NDE1: variants seen among roughly 807,000 people sequenced by gnomAD.
NDE1 encodes the protein nuclear distribution protein nudE homolog 1.
In NDE1, 28 loss-of-function variants were observed where a neutral mutation model predicts 43.4. The ratio of observed to expected loss-of-function variants is 0.65; its 90% CI spans 0.48 to 0.89. NDE1 has a LOEUF of 0.89. NDE1 is among the 40% of genes least tolerant of loss of function. The pLI is 0.00. For missense variants in NDE1, 441 were observed against 434.1 expected (o/e 1.02, Z -0.14); for synonymous variants, 184 against 172.0 (o/e 1.07, Z -0.55).
intron 1 of NDE1, among the ~76,000 whole-genome samples, chr16:15,644,561 T>C (rs1439626719): frequency 6.6e-6 from 1 of 152,200 alleles, no homozygotes; most frequent in Non-Finnish European, 1.5e-5. Flanking sequence ...GAGGATCTCT[T>C]GAGCCTACAA....
At position 15,724,781 on chromosome 16, in the gene NDE1, TTTC is replaced by T. The variant is rs2040665323; in HGVS notation, c.*536_*538del. 1 of 1,613,744 alleles carries T rather than the reference TTTC, an allele frequency of 6.2e-7. No individual in the cohort carries two copies. Among genetic ancestry groups the T allele is most frequent in the Non-Finnish European group, 8.5e-7 (1 of 1,179,964 alleles). On this transcript the variant is annotated 3_prime_UTR_variant, in exon 9 of 9. Transcript: ENST00000396354. ...GTAGACACGTTGAGCTTCTGCCGGG[TTTC>T]TTCTTGAAGCAGCTCCTGCAAAAGG...
intron 8 of NDE1, among the ~76,000 whole-genome samples, chr16:15,706,659 G>C (rs146811560): frequency 2.6e-5 from 4 of 151,174 alleles, no homozygotes; most frequent in African/African-American, 9.7e-5. Flanking sequence ...GTGAGCCAAC[G>C]TTGTGCCACT....
chr16:15,680,578 G>A (rs2038125501), intron 4 of NDE1, among the ~76,000 whole-genome samples: 1 of 152,086 alleles, frequency 6.6e-6, no homozygotes, highest in East Asian at 1.9e-4. Context: ...CTGTCTCCCA[G>A]GCTGGAGCTG....
chr16:15,698,411 G>A (rs1339028417), intron 8 of NDE1, among the ~76,000 whole-genome samples: 1 of 152,132 alleles, frequency 6.6e-6, no homozygotes, highest in Non-Finnish European at 1.5e-5. Flanking sequence ...AAAAAAAGGG[G>A]CAGCTTTCAG....
chr16:15,647,606 A>G (rs1442911429), upstream of NDE1, among the ~76,000 whole-genome samples: 2 of 152,188 alleles, frequency 1.3e-5, no homozygotes, highest in Non-Finnish European at 2.9e-5. Context: ...ACTTATCAGT[A>G]TCTGAAATGA....
intron 3 of NDE1, among the ~76,000 whole-genome samples, chr16:15,675,273 A>G (rs2037809406): frequency 6.6e-6 from 1 of 151,046 alleles, no homozygotes; most frequent in African/African-American, 2.4e-5. Flanking sequence ...ATCTGGGCTC[A>G]CTGCAACCTC....
At chr16:15,657,074 C>G (rs2036806102) in intron 1 of NDE1, among the ~76,000 whole-genome samples, 1 of 151,974 alleles carries the variant, frequency 6.6e-6, no homozygotes, top group Admixed American at 6.6e-5. Flanking sequence ...TGAGACTGCC[C>G]TCAATAGTAT....
rs2039179081 is a variant in NDE1, at chr16:15,700,256, CTGGCTGAATTTTT to C, written c.947+3399_947+3411del. The C allele has an allele frequency of 1.1e-5, 3 of 270,648 alleles. No individual in the cohort carries two copies. In the South Asian group the frequency reaches 3.8e-4, roughly 34 times the overall value. The allele number at this position is 270,648 out of a possible 1,614,324, so 16.8% of individuals were successfully genotyped here. The stretch of plus-strand genomic sequence containing the variant: ...GGATTACAGGCACCCACCACCACAC[CTGGCTGAATTTTT>C]TGTATTTTTAATAGAGACGGGGTTT... On this transcript the variant is annotated intron_variant, in intron 8 of 8. Transcript: ENST00000396354.
chr16:15,662,282 T>C (rs1053414442), intron 1 of NDE1, among the ~76,000 whole-genome samples: 4 of 141,858 alleles, frequency 2.8e-5, no homozygotes, highest in African/African-American at 1.0e-4. Context: ...TCTCTTTTCT[T>C]TTTTTTTTTT....
At chr16:15,715,096 TG>T in intron 8 of NDE1, 1 of 1,609,590 alleles carries the variant, frequency 6.2e-7, no homozygotes, top group Non-Finnish European at 8.5e-7. Flanking sequence ...CGCGGAGAGT[TG>T]GAGGGGTGGT....
chr16:15,689,477 G>A (rs1405181998), intron 5 of NDE1, among the ~76,000 whole-genome samples: 2 of 152,180 alleles, frequency 1.3e-5, no homozygotes, highest in African/African-American at 4.8e-5. Context: ...GGGTGACTGA[G>A]TCAGACCCTG....
intron 1 of NDE1, among the ~76,000 whole-genome samples, chr16:15,654,398 G>T (rs149996616): frequency 2.0e-5 from 3 of 151,742 alleles, no homozygotes; most frequent in Non-Finnish European, 4.4e-5. Context: ...TCAGGAGATC[G>T]AGACCAGCCT....
chr16:15,687,484 G>C lies in NDE1; in HGVS notation c.496G>C (p.Val166Leu), dbSNP rs773740327. 2 of 1,614,166 alleles carry C rather than the reference G, an allele frequency of 1.2e-6. No individual in the cohort carries two copies. The highest frequency in any genetic ancestry group is 1.7e-6 in the Non-Finnish European group (2 of 1,180,030). ...LDEKENLLES[V>L]QRLKDEARDL... ...TGAAAAAGAGAATCTCCTGGAATCT[G>C]TTCAGAGACTGAAGGATGAAGCCAG... Residue 166 changes from valine to leucine, a missense_variant, in exon 5 of 9, where the codon GTT becomes CTT. Coordinates refer to ENST00000396354, the MANE Select transcript of NDE1 (RefSeq NM_017668.3).
intron 8 of NDE1, chr16:15,719,012 C>T (rs2040321815): frequency 6.5e-6 from 4 of 618,092 alleles, no homozygotes; most frequent in African/African-American, 1.8e-5. Context: ...CCTGTAGTCT[C>T]AGCTACTCAG....
intron 7 of NDE1, 116 bp downstream of exon 7, chr16:15,694,372 G>A (rs769892687): frequency 3.0e-5 from 46 of 1,539,568 alleles, no homozygotes; most frequent in Admixed American, 1.4e-4. Flanking sequence ...TAGAGACAGG[G>A]TCTTGCTCTG....
rs35371062 is a variant in NDE1, at chr16:15,661,156, G to T, written c.-43-3580G>T. Among the ~76,000 whole-genome samples, 799 of 132,236 alleles carry T rather than the reference G, an allele frequency of 6.0e-3. 11 individuals are homozygous for T. Among genetic ancestry groups the T allele is most frequent in the South Asian group, 0.029 (118 of 4,074 alleles). 86.8% of individuals were successfully genotyped at this position (132,236 alleles called of 152,430 possible). On this transcript the variant is annotated intron_variant, in intron 1 of 8. Coordinates refer to ENST00000396354, the MANE Select transcript of NDE1 (RefSeq NM_017668.3). ...ACCCACCTACCCAAGAGTTTTACTT[G>T]TTTTTTTTTTTTTTTTGAGTCTCGC...
intron 6 of NDE1, among the ~76,000 whole-genome samples, chr16:15,693,770 T>C (rs1214755461): frequency 6.6e-6 from 1 of 152,096 alleles, no homozygotes; most frequent in Non-Finnish European, 1.5e-5. Context: ...TGGAACTCTG[T>C]CTCTACTAAA....
intron 8 of NDE1, among the ~76,000 whole-genome samples, chr16:15,699,346 G>A (rs1160666061): frequency 3.5e-5 from 5 of 141,376 alleles, no homozygotes; most frequent in South Asian, 2.3e-4. Flanking sequence ...TGCAACCTCC[G>A]CCTCCTGGGC....
intron 8 of NDE1, chr16:15,701,721 T>A (rs1273062315): frequency 6.6e-6 from 1 of 152,132 alleles, no homozygotes; most frequent in Non-Finnish European, 1.5e-5. Context: ...ACGGCCTTCA[T>A]TTTGTTACTA....
Sources: gnomAD v4.1 joint callset for allele counts (sites outside exome capture counted in the v4.1 genomes callset) on GRCh38, gnomAD v4.1.1 for gene constraint, MANE v1.5 for transcripts, NCBI Gene and HGNC (gene_info 2026-07-23, HGNC 2026-07-21) for gene names.